MYH3: variants seen among roughly 807,000 people sequenced by gnomAD.
The protein encoded by MYH3 is myosin heavy chain 3.
In MYH3, 130 loss-of-function variants were observed where a neutral mutation model predicts 238.0. The ratio of observed to expected loss-of-function variants is 0.55; its 90% CI spans 0.47 to 0.63. MYH3 has a LOEUF of 0.63. MYH3 is among the 30% of genes least tolerant of loss of function. The pLI is 0.00. For synonymous variants in MYH3, 880 were observed against 924.1 expected (o/e 0.95, Z 0.86); for missense variants, 1,853 against 2,374.9 (o/e 0.78, Z 4.57).
chr17:10,647,536 T>G (rs1193601503), intron 8 of MYH3, 110 bp from the exon 9 acceptor site: 3 of 1,054,882 alleles, frequency 2.8e-6, no homozygotes, highest in East Asian at 5.1e-5. Flanking sequence ...AATTTTTGTT[T>G]TGTTTTGTTT....
rs933679396 is a variant in MYH3, at chr17:10,641,295, G to C, written c.2037C>G (p.Thr679=). 4 of 1,612,222 alleles carry C rather than the reference G, an allele frequency of 2.5e-6. No individual in the cohort carries two copies. The African/African-American group carries it at 4.0e-5, about 16-fold the overall frequency. The change falls in exon 18 of 41, where the codon ACC becomes ACG. Residue 679 remains threonine (T), a synonymous_variant. Transcript: ENST00000583535. ...HFVRCIIPNE[T]KTPGAMEHSL... ...CAGCAGGTGTCTCACCTGGAGTTTT[G>C]GTTTCATTGGGAATTATACAACGCA...
rs886052583 is a variant in MYH3, at chr17:10,640,388, C to T, written c.2371G>A (p.Ala791Thr). 6.8e-6 allele frequency: 11 copies of T among 1,614,126 alleles called. No homozygotes were observed. Among genetic ancestry groups the T allele is most frequent in the African/African-American group, 2.7e-5 (2 of 74,934 alleles). ...CGCATGAGGAACCCTCTGCACACAG[C>T]TTGTGTCCGGGTGATTAGTTTGGCC... Reference protein sequence around the residue: ...RLAKLITRTQAVCRGFLMRVE... With the variant: ...RLAKLITRTQTVCRGFLMRVE... Residue 791 changes from alanine (A) to threonine (T), a missense_variant, in exon 21 of 41, where the codon GCT becomes ACT. Physicochemically the swap from Ala to Thr is moderately conservative, Grantham distance 58. Around this residue, in one of 3 missense-constraint regions of MYH3, gnomAD observed 678 missense variants for 1,058.9 expected, o/e 0.64. Transcript: ENST00000583535.
chr17:10,675,899 A>G, the MYH3 span: 1 of 152,212 alleles, frequency 6.6e-6, no homozygotes, highest in African/African-American at 2.4e-5. Flanking sequence ...AAACATGGAC[A>G]AAGTCACATG....
chr17:10,671,728 G>C, the MYH3 span, among the ~76,000 whole-genome samples: 130 of 151,222 alleles, frequency 8.6e-4, 1 homozygote, highest in African/African-American at 3.1e-3. Flanking sequence ...TATAGGCACC[G>C]GCCACCACGC....
chr17:10,642,287 C>T lies in MYH3; in HGVS notation c.1912G>A (p.Ala638Thr), dbSNP rs1266806939. 1 of 1,614,062 alleles carries T rather than the reference C, an allele frequency of 6.2e-7. No homozygotes were observed. Among genetic ancestry groups the T allele is most frequent in the South Asian group, 1.1e-5 (1 of 91,066 alleles). ...ADADSGKKKV[A>T]KKKGSSFQTV... ...TGGAAGGAAGAACCCTTCTTCTTGG[C>T]AACTTTCTTCTTTCCACTGTCAGCT... Residue 638 changes from alanine (A) to threonine (T), a missense_variant, in exon 17 of 41, where the codon GCC (alanine) becomes ACC (threonine). Ala to Thr is a moderately conservative substitution (Grantham distance 58). Transcript: ENST00000583535. The surrounding 1 kb of genome is among the most constrained non-coding windows in gnomAD (Gnocchi z 5.4).
chr17:10,650,298 G>A (rs1407880775), intron 6 of MYH3, 76 bp downstream of exon 6: 1 of 1,461,824 alleles, frequency 6.8e-7, no homozygotes, highest in Non-Finnish European at 9.6e-7. Context: ...TATAGACTCT[G>A]CTCCAAACAC....
At position 10,639,103 on chromosome 17, in the gene MYH3, A is replaced by G. The variant is rs764561835; in HGVS notation, c.3189T>C (p.Ala1063=). ...TCTCCAGATCTAATATGGACTCTTGAGCAAGCTTCAAGTCTCCTTCCAATT... is the reference window on the plus strand; with the variant it reads ...TCTCCAGATCTAATATGGACTCTTGGGCAAGCTTCAAGTCTCCTTCCAATT... ...KRKLEGDLKL[A]QESILDLEND... is the part of the protein sequence containing the mutation. Residue 1063 remains alanine, a synonymous_variant, in exon 25 of 41, where the codon GCT becomes GCC. Coordinates refer to ENST00000583535, the MANE Select transcript of MYH3 (RefSeq NM_002470.4). 5 of 1,614,162 alleles carry G rather than the reference A, an allele frequency of 3.1e-6. No homozygotes were observed. Among genetic ancestry groups the G allele is most frequent in the Admixed American group, 3.3e-5 (2 of 60,018 alleles).
At position 10,637,852 on chromosome 17, in the gene MYH3, C is replaced by T. The variant is rs778982808; in HGVS notation, c.3813G>A (p.Leu1271=). 6.2e-7 allele frequency: 1 copy of T among 1,614,180 alleles called. No homozygotes were observed. The highest frequency in any genetic ancestry group is 8.5e-7 in the Non-Finnish European group (1 of 1,180,046). ...RGKNEEIQRS[L]SELTTQKSRL... ...GAGACTTCTGTGTGGTCAGCTCGCT[C>T]AGGCTCCTCTGAATTTCCTCATTCT... The change falls in exon 28 of 41, where the codon CTG becomes CTA. Residue 1271 remains leucine (L), a synonymous_variant. Coordinates refer to ENST00000583535, the MANE Select transcript of MYH3 (RefSeq NM_002470.4).
chr17:10,629,025 T>A (rs2074123373), intron 40 of MYH3, among the ~76,000 whole-genome samples: 1 of 152,112 alleles, frequency 6.6e-6, no homozygotes, highest in Admixed American at 6.6e-5. Context: ...GGATGGCGGT[T>A]TGTTTTGTTT....
Position 10,650,362 on chromosome 17 carries a change from A to C in MYH3, c.533+12T>G, listed in dbSNP as rs1354468068. The C allele has an allele frequency of 6.2e-7, 1 of 1,609,760 alleles. No individual in the cohort carries two copies. The highest frequency in any genetic ancestry group is 1.1e-5 in the South Asian group (1 of 90,990). Reference sequence around the variant, plus strand: ...CACAGCTATGAAACCACTCTATGCCATGGATACTTACGTGATCAGAATGGA... The same window carrying C: ...CACAGCTATGAAACCACTCTATGCCCTGGATACTTACGTGATCAGAATGGA... On this transcript the variant is annotated intron_variant, in intron 6 of 40. Transcript: ENST00000583535.
the MYH3 span, among the ~76,000 whole-genome samples, chr17:10,668,652 C>T: frequency 3.3e-5 from 5 of 152,146 alleles, no homozygotes; most frequent in South Asian, 2.1e-4. Flanking sequence ...GTGTAAATAG[C>T]GTTACAGTTA....
chr17:10,652,689 T>C, intron 3 of MYH3, 126 bp from the exon 4 acceptor site: 1 of 1,040,100 alleles, frequency 9.6e-7, no homozygotes, highest in Non-Finnish European at 1.4e-6. Context: ...TGATGCGATC[T>C]CGGCTCACTG....
chr17:10,646,043 A>G lies in MYH3; in HGVS notation c.899-11T>C, dbSNP rs368891008. 3.1e-6 allele frequency: 5 copies of G among 1,608,230 alleles called. No homozygotes were observed. The African/African-American group carries it at 6.7e-5, about 22-fold the overall frequency. On this transcript the variant is annotated splice_polypyrimidine_tract_variant and intron_variant, in intron 10 of 40. Coordinates refer to ENST00000583535, the MANE Select transcript of MYH3 (RefSeq NM_002470.4). ...TAATAAGCAGCAGCTCTGAAATGAC[A>G]AATAGTTCCAGGAGGTTATGCAGAT...
chr17:10,639,848 G>A (rs2142399200), intron 22 of MYH3, 46 bp from the exon 23 acceptor site: 1 of 1,610,778 alleles, frequency 6.2e-7, no homozygotes, highest in South Asian at 1.1e-5. Flanking sequence ...TATAAGGTTT[G>A]CGACATTCCA....
In MYH3 at chr17:10,638,290, T is replaced by G; in HGVS notation, c.3482A>C (p.Gln1161Pro). Residue 1161 changes from glutamine to proline, a missense_variant, in exon 27 of 41, where the codon CAG (glutamine) becomes CCG (proline). Physicochemically the swap from Gln to Pro is moderately conservative, Grantham distance 76 (BLOSUM62 -1). Coordinates refer to ENST00000583535, the MANE Select transcript of MYH3 (RefSeq NM_002470.4). ...LEEAGGVTST[Q>P]IELNKKREAE... ...CTCCCGCTTCTTGTTGAGCTCTATC[T>G]GCGTGGAGGTGACGCCTCCCGCCTC... is the stretch of plus-strand genomic sequence containing the variant. The G allele has an allele frequency of 1.2e-6, 2 of 1,613,602 alleles. No individual in the cohort carries two copies. The highest frequency in any genetic ancestry group is 2.2e-5 in the South Asian group (2 of 91,060).
intron 7 of MYH3, 33 bp downstream of exon 7, chr17:10,649,544 G>A: frequency 6.4e-7 from 1 of 1,551,802 alleles, no homozygotes; most frequent in Admixed American, 1.7e-5. Flanking sequence ...GTTAAAAGTG[G>A]AAGCAAAGCA....
chr17:10,670,442 T>C, the MYH3 span, among the ~76,000 whole-genome samples: 64 of 152,334 alleles, frequency 4.2e-4, no homozygotes, highest in South Asian at 1.0e-2. The surrounding 1 kb of genome is among the most constrained non-coding windows in gnomAD (Gnocchi z 7.0). Flanking sequence ...TTTTTTTCAC[T>C]GTCAGTTTCT....
chr17:10,669,144 C>T, the MYH3 span, among the ~76,000 whole-genome samples: 36 of 152,180 alleles, frequency 2.4e-4, no homozygotes, highest in South Asian at 1.7e-3. Flanking sequence ...CCTGCTGCCC[C>T]GCAGGGATGT....
chr17:10,633,970 A>G (rs1379255860), intron 32 of MYH3, 47 bp downstream of exon 32: 2 of 1,597,180 alleles, frequency 1.3e-6, no homozygotes, highest in South Asian at 1.1e-5. Flanking sequence ...GCTCTCGAGC[A>G]ATAGAGCATG....
Sources: gnomAD v4.1 joint callset for allele counts (sites outside exome capture counted in the v4.1 genomes callset) on GRCh38, gnomAD v4.1.1 for gene constraint, gnomAD v4.1.1 regional missense constraint, Gnocchi (gnomAD v3.1) non-coding constraint, MANE v1.5 for transcripts, NCBI Gene and HGNC (gene_info 2026-07-23, HGNC 2026-07-21) for gene names.